Variants in FRAS1 observed in about 807,000 individuals in gnomAD.
FRAS1 encodes the protein extracellular matrix organizing protein FRAS1.
Under a neutral mutation model 435.2 loss-of-function variants are expected in FRAS1, and 290 were observed. That is an observed-to-expected ratio of 0.67 (90% confidence interval 0.61 to 0.73). FRAS1 has a LOEUF of 0.73. Among genes scored for constraint, FRAS1 ranks in the 30% least tolerant of loss-of-function variants. The probability of loss-of-function intolerance (pLI) is 0.00; values close to 1 mark genes in which losing one functional copy is unlikely to be tolerated. For missense variants in FRAS1, 4,860 were observed against 5,001.5 expected (o/e 0.97, Z 0.85); for synonymous variants, 1,800 against 1,851.0 (o/e 0.97, Z 0.71).
At chr4:78,379,343 TGGCATGGAATTA>T (rs2110318685) in intron 26 of FRAS1, 1 of 192,878 alleles carries the variant, frequency 5.2e-6, no homozygotes, top group Admixed American at 5.9e-5. Flanking sequence ...GCCTTTAGTT[TGGCATGGAATTA>T]GGAATGGCCT....
Position 78,318,928 on chromosome 4 carries a change from C to G in FRAS1, c.2079C>G (p.Gly693=), listed in dbSNP as rs772200651. ...TGTCTGACGTGGGCATCCCCTCTGG[C>G]GAGTGTCTAGCCCAGTGTAGAGCCC... The part of the protein sequence containing the change: ...EQLSDVGIPS[G]ECLAQCRAHF... Residue 693 remains glycine (G), a synonymous_variant, in exon 18 of 74, where the codon GGC becomes GGG. Coordinates refer to ENST00000512123, the MANE Select transcript of FRAS1 (RefSeq NM_025074.7). 6.2e-7 allele frequency: 1 copy of G among 1,613,856 alleles called. No individual in the cohort carries two copies. Among genetic ancestry groups the G allele is most frequent in the African/African-American group, 1.3e-5 (1 of 74,910 alleles).
intron 26 of FRAS1, among the ~76,000 whole-genome samples, chr4:78,378,637 C>CTGCTCATG (rs1245605540): frequency 4.6e-5 from 7 of 152,134 alleles, no homozygotes; most frequent in Admixed American, 3.9e-4. Context: ...GATTTTGCAC[C>CTGCTCATG]TGCTCATGTG....
At chr4:78,235,728 T>C (rs767138981) in intron 2 of FRAS1, among the ~76,000 whole-genome samples, 19 of 152,214 alleles carry the variant, frequency 1.2e-4, no homozygotes, top group Non-Finnish European at 2.9e-5. Flanking sequence ...GCAGGCAGAT[T>C]GCTTAAGCCT....
At chr4:78,342,211 C>T (rs1014700848) in intron 20 of FRAS1, among the ~76,000 whole-genome samples, 1 of 152,166 alleles carries the variant, frequency 6.6e-6, no homozygotes, top group African/African-American at 2.4e-5. Context: ...GTAGGGTTTC[C>T]TCTCAGGATG....
intron 2 of FRAS1, among the ~76,000 whole-genome samples, chr4:78,154,986 G>C (rs1285986717): frequency 6.6e-6 from 1 of 152,218 alleles, no homozygotes; most frequent in Non-Finnish European, 1.5e-5. Context: ...ATGACTCCAT[G>C]TGACAGTCTC....
At chr4:78,355,738 C>A (rs1730826841) in intron 20 of FRAS1, among the ~76,000 whole-genome samples, 1 of 152,208 alleles carries the variant, frequency 6.6e-6, no homozygotes, top group Non-Finnish European at 1.5e-5. Flanking sequence ...ACTTCCTCTA[C>A]TGTGTCCTGT....
At chr4:78,058,115 T>TGTGTGC (rs771277097) in intron 1 of FRAS1, 30 bp downstream of exon 1, 3 of 1,572,994 alleles carry the variant, frequency 1.9e-6, no homozygotes, top group Non-Finnish European at 1.7e-6. Flanking sequence ...TGTGTGTGTG[T>TGTGTGC]GTGTGCGTGT....
intron 59 of FRAS1, among the ~76,000 whole-genome samples, chr4:78,495,605 A>G (rs1035198826): frequency 6.6e-6 from 1 of 152,166 alleles, no homozygotes; most frequent in Non-Finnish European, 1.5e-5. Context: ...CTTTGAGTCT[A>G]CATGTCTGTA....
chr4:78,100,713 G>A (rs1194978757), intron 2 of FRAS1, among the ~76,000 whole-genome samples: 1 of 152,156 alleles, frequency 6.6e-6, no homozygotes, highest in African/African-American at 2.4e-5. Flanking sequence ...ACAAAATTAT[G>A]TGGCAGATCC....
chr4:78,271,921 C>T (rs1162385124), intron 9 of FRAS1, among the ~76,000 whole-genome samples: 8 of 152,116 alleles, frequency 5.3e-5, no homozygotes, highest in Non-Finnish European at 1.2e-4. Context: ...ACTAGTTTAC[C>T]GTCCCACCAA....
At chr4:78,465,326 C>T (rs1343330067) in intron 49 of FRAS1, among the ~76,000 whole-genome samples, 1 of 152,006 alleles carries the variant, frequency 6.6e-6, no homozygotes, top group Non-Finnish European at 1.5e-5. Flanking sequence ...GGGGGAAAGA[C>T]TTACTAGTAA....
At chr4:78,429,251 A>G (rs1315858076) in intron 36 of FRAS1, 25 bp downstream of exon 36, 2 of 1,592,330 alleles carry the variant, frequency 1.3e-6, no homozygotes, top group African/African-American at 2.7e-5. Context: ...CCTGATAGAA[A>G]CATGGCTTTG....
rs186308915 is a variant in FRAS1 at position 78,118,473 on chromosome 4, C to A, written c.108+52457C>A. 3.0e-4 allele frequency among the ~76,000 whole-genome samples: 45 copies of A among 150,968 alleles called. No individual in the cohort carries two copies. In the East Asian group the frequency reaches 7.6e-3, roughly 25 times the overall value. The stretch of plus-strand genomic sequence containing the variant: ...AGGCAGGCCTCCTTGAGCTGCAGAT[C>A]GAGCTTCCCGGCTGCTTTGTTTACC... On this transcript the variant is annotated intron_variant, in intron 2 of 73. Coordinates refer to ENST00000512123, the MANE Select transcript of FRAS1 (RefSeq NM_025074.7).
At chr4:78,441,015 C>T (rs1210349224) in intron 40 of FRAS1, 147 bp from the exon 41 acceptor site, 2 of 676,976 alleles carry the variant, frequency 3.0e-6, no homozygotes, top group East Asian at 5.2e-5. Flanking sequence ...CATACACATT[C>T]CTCATCTCGT....
chr4:78,434,913 A>G (rs972852179), intron 38 of FRAS1, among the ~76,000 whole-genome samples: 1 of 152,086 alleles, frequency 6.6e-6, no homozygotes, highest in Non-Finnish European at 1.5e-5. Flanking sequence ...AAGACATGCC[A>G]TATTCATGAG....
At chr4:78,437,251 G>A (rs1174788267) in intron 38 of FRAS1, among the ~76,000 whole-genome samples, 1 of 152,138 alleles carries the variant, frequency 6.6e-6, no homozygotes, top group African/African-American at 2.4e-5. Flanking sequence ...TTCTAACTAG[G>A]AGCCAGGAGC....
At chr4:78,508,518 T>G (rs1720918461) in intron 62 of FRAS1, among the ~76,000 whole-genome samples, 1 of 152,172 alleles carries the variant, frequency 6.6e-6, no homozygotes, top group African/African-American at 2.4e-5. Context: ...ATAATAAAGC[T>G]TCTAGCCCAA....
At chr4:78,427,184 G>A (rs1225909334) in intron 35 of FRAS1, among the ~76,000 whole-genome samples, 1 of 152,164 alleles carries the variant, frequency 6.6e-6, no homozygotes, top group Non-Finnish European at 1.5e-5. Context: ...TTAATCATGG[G>A]AGGGGAGCTG....
At chr4:78,488,045 A>G (rs949566659) in intron 58 of FRAS1, among the ~76,000 whole-genome samples, 2 of 152,124 alleles carry the variant, frequency 1.3e-5, no homozygotes, top group African/African-American at 4.8e-5. Flanking sequence ...AGGCAGGAAA[A>G]TTGCTTGAAC....
Sources: allele counts gnomAD v4.1 joint callset (sites outside exome capture counted in the v4.1 genomes callset), GRCh38; gene constraint gnomAD v4.1.1; transcripts MANE v1.5; gene names NCBI Gene and HGNC (gene_info 2026-07-23, HGNC 2026-07-21).